The following GLRB variants were observed in gnomAD, a reference collection of about 807,000 sequenced individuals.
The protein encoded by GLRB is glycine receptor beta, also known as glycine receptor subunit beta.
GLRB carries 33 observed loss-of-function variants against 54.2 expected under a neutral mutation model. That is an observed-to-expected ratio of 0.61 (90% confidence interval 0.46 to 0.81). The LOEUF (loss-of-function observed/expected upper bound fraction) is 0.81, where lower values mean the gene tolerates loss of function less well. Among genes scored for constraint, GLRB ranks in the 40% least tolerant of loss-of-function variants. The pLI, the probability that GLRB is intolerant of heterozygous loss-of-function variation, is 0.00. For missense variants in GLRB, 572 were observed against 584.6 expected (o/e 0.98, Z 0.22); for synonymous variants, 209 against 208.2 (o/e 1.00, Z -0.03).
intron 2 of GLRB, among the ~76,000 whole-genome samples, chr4:157,115,138 G>A (rs1174732790): frequency 6.6e-6 from 1 of 151,022 alleles, no homozygotes; most frequent in Non-Finnish European, 1.5e-5. Context: ...TTTTTATTTT[G>A]TACTATAATA....
intron 4 of GLRB, among the ~76,000 whole-genome samples, chr4:157,130,357 G>A (rs892414151): frequency 6.6e-6 from 1 of 151,680 alleles, no homozygotes; most frequent in African/African-American, 2.4e-5. Context: ...TGTTCTTTTG[G>A]TTTAGTGAAA....
chr4:157,144,827 T>C (rs1256024674), intron 8 of GLRB, among the ~76,000 whole-genome samples: 1 of 152,062 alleles, frequency 6.6e-6, no homozygotes, highest in Non-Finnish European at 1.5e-5. Flanking sequence ...TTAAATGAAA[T>C]ACAGATTTTA....
intron 4 of GLRB, among the ~76,000 whole-genome samples, chr4:157,135,397 T>C (rs1251166186): frequency 6.6e-6 from 1 of 152,094 alleles, no homozygotes; most frequent in African/African-American, 2.4e-5. Context: ...GAATTGTAGC[T>C]CCCATAATTC....
chr4:157,148,962 G>A (rs973983274), intron 8 of GLRB, among the ~76,000 whole-genome samples: 4 of 151,844 alleles, frequency 2.6e-5, no homozygotes, highest in African/African-American at 9.7e-5. Context: ...GTATTTGGAA[G>A]GTCTGTTATT....
At chr4:157,151,979 T>G (rs1737037425) in intron 8 of GLRB, among the ~76,000 whole-genome samples, 1 of 152,072 alleles carries the variant, frequency 6.6e-6, no homozygotes, top group Non-Finnish European at 1.5e-5. Context: ...TCATCTTCTC[T>G]CTTGAAAATA....
rs191586583 is a variant in GLRB, at chr4:157,166,420, G to T, written c.1198-4012G>T. Among the ~76,000 whole-genome samples the T allele has an allele frequency of 7.9e-5, 12 of 151,990 alleles. No individual in the cohort carries two copies. The East Asian group carries it at 2.3e-3, about 29-fold the overall frequency. The stretch of plus-strand genomic sequence containing the variant: ...AGTGTAAACTCTTTTGTACTTTCAT[G>T]TATATATTTGATATGATAATAAGGT... On this transcript the variant is annotated intron_variant, in intron 9 of 9. Coordinates refer to ENST00000264428, the MANE Select transcript of GLRB (RefSeq NM_000824.5).
At chr4:157,082,964 T>TATA (rs1734275534) in intron 2 of GLRB, among the ~76,000 whole-genome samples, 24 of 139,656 alleles carry the variant, frequency 1.7e-4, no homozygotes, top group Non-Finnish European at 2.7e-4. Flanking sequence ...GAATAGTGTT[T>TATA]TATATATATA....
At chr4:157,103,360 GTGAGC>G (rs1209800135) in intron 2 of GLRB, among the ~76,000 whole-genome samples, 2 of 152,120 alleles carry the variant, frequency 1.3e-5, no homozygotes, top group Non-Finnish European at 2.9e-5. Flanking sequence ...ATGTCTGGTG[GTGAGC>G]TGCAGTTCTT....
chr4:157,081,087 A>G (rs1263574035), intron 2 of GLRB, among the ~76,000 whole-genome samples: 3 of 152,202 alleles, frequency 2.0e-5, no homozygotes, highest in Non-Finnish European at 4.4e-5. Context: ...GTGAAGCACT[A>G]GTACCAGATT....
chr4:157,104,007 G>A (rs993955288), intron 2 of GLRB, among the ~76,000 whole-genome samples: 1 of 152,068 alleles, frequency 6.6e-6, no homozygotes, highest in South Asian at 2.1e-4. Flanking sequence ...TTGGCATACA[G>A]AGACAATTCA....
chr4:157,076,907 C>A (rs1353838501), intron 1 of GLRB, among the ~76,000 whole-genome samples: 3 of 131,754 alleles, frequency 2.3e-5, no homozygotes, highest in Non-Finnish European at 4.6e-5. Flanking sequence ...TTTAAAGTAC[C>A]CAGGGAGAAG....
In GLRB at chr4:157,137,027, A is replaced by G. The variant is rs1736429873; in HGVS notation, c.610+141A>G. ...GTCATTAAAATAATTTATTTAGGGA[A>G]ATTATAGTTACTCTTTTATTAATAC... On this transcript the variant is annotated intron_variant, in intron 6 of 9. Transcript: ENST00000264428. 3 of 639,866 alleles carry G rather than the reference A, an allele frequency of 4.7e-6. No individual in the cohort carries two copies. In the South Asian group the frequency reaches 5.7e-5, roughly 12 times the overall value. The allele number at this position is 639,866 out of a possible 1,614,324, so 39.6% of individuals were successfully genotyped here.
chr4:157,099,422 T>A, intron 2 of GLRB, among the ~76,000 whole-genome samples: 1 of 151,956 alleles, frequency 6.6e-6, no homozygotes, highest in East Asian at 1.9e-4. Flanking sequence ...CTGCAACTTC[T>A]GCTTCCTGGG....
intron 2 of GLRB, among the ~76,000 whole-genome samples, chr4:157,106,579 T>TTC (rs938894312): frequency 3.3e-5 from 5 of 151,936 alleles, no homozygotes; most frequent in African/African-American, 9.6e-5. Context: ...GGTGAATTCT[T>TTC]TCTCTCTCTC....
intron 7 of GLRB, among the ~76,000 whole-genome samples, chr4:157,139,468 T>A (rs1324644976): frequency 6.6e-6 from 1 of 152,084 alleles, no homozygotes; most frequent in African/African-American, 2.4e-5. Flanking sequence ...CTTCTTGACC[T>A]AGGTCACAGA....
intron 2 of GLRB, among the ~76,000 whole-genome samples, chr4:157,091,102 A>T (rs910629529): frequency 5.9e-5 from 9 of 152,296 alleles, no homozygotes; most frequent in African/African-American, 2.2e-4. Context: ...TATTAAGTTC[A>T]GTCTGTCTAG....
intron 2 of GLRB, among the ~76,000 whole-genome samples, chr4:157,109,915 C>T (rs1350636467): frequency 2.0e-5 from 3 of 152,028 alleles, no homozygotes; most frequent in African/African-American, 7.2e-5. Flanking sequence ...TCTCTGGGTA[C>T]ACCATCCTTT....
At chr4:157,138,561 G>A (rs1301364274) in intron 6 of GLRB, among the ~76,000 whole-genome samples, 1 of 152,070 alleles carries the variant, frequency 6.6e-6, no homozygotes, top group Non-Finnish European at 1.5e-5. Context: ...GATGCCCTAG[G>A]ATTTTAAATC....
chr4:157,117,504 A>G (rs545022019), intron 2 of GLRB, among the ~76,000 whole-genome samples: 2 of 151,792 alleles, frequency 1.3e-5, no homozygotes, highest in South Asian at 2.1e-4. Context: ...TGATTCTCCA[A>G]TATTCATTCC....
Sources: gnomAD v4.1 joint callset for allele counts (sites outside exome capture counted in the v4.1 genomes callset) on GRCh38, gnomAD v4.1.1 for gene constraint, MANE v1.5 for transcripts, NCBI Gene and HGNC (gene_info 2026-07-23, HGNC 2026-07-21) for gene names.